The following ECT2L variants were observed in gnomAD, a reference collection of about 807,000 sequenced individuals.
The protein encoded by ECT2L is epithelial cell transforming 2 like, also known as epithelial cell-transforming sequence 2 oncogene-like.
In ECT2L, 126 loss-of-function variants were observed where a neutral mutation model predicts 122.8. That is an observed-to-expected ratio of 1.03 (90% CI 0.89 to 1.19). The LOEUF (loss-of-function observed/expected upper bound fraction) is 1.19, where lower values mean the gene tolerates loss of function less well. Ranked by LOEUF, ECT2L falls within the 50% of genes most tolerant of loss-of-function variation. The probability of loss-of-function intolerance (pLI) is 0.00; values close to 1 mark genes in which losing one functional copy is unlikely to be tolerated. For missense variants in ECT2L, 1,012 were observed against 1,064.1 expected, an observed-to-expected ratio of 0.95 and a Z score of 0.68; for synonymous variants, 385 against 381.8, an observed-to-expected ratio of 1.01 and a Z score of -0.10.
rs1170631663 is a variant in ECT2L at position 138,847,355 on chromosome 6, C to CTTTTTTTTTTTTTTTTTTTTTTTTT, written c.903+687_903+711dup. On this transcript the variant is annotated intron_variant, in intron 8 of 21. Coordinates refer to ENST00000541398, the MANE Select transcript of ECT2L (RefSeq NM_001077706.3). ...TTTGAAAAAGCATTAAAGGCCCAAA[C>CTTTTTTTTTTTTTTTTTTTTTTTTT]TTTTTTTTTTTTTTTTTTTTTTTTT... is the stretch of plus-strand genomic sequence containing the variant. 3.6e-5 allele frequency among the ~76,000 whole-genome samples: 2 copies of CTTTTTTTTTTTTTTTTTTTTTTTTT among 54,904 alleles called. 1 individual carries two copies. The highest frequency in any genetic ancestry group is 1.6e-4 in the African/African-American group (2 of 12,272). 36.0% of individuals were successfully genotyped at this position (54,904 alleles called of 152,430 possible).
intron 10 of ECT2L, among the ~76,000 whole-genome samples, chr6:138,857,527 G>T (rs79268716): frequency 0.02 from 3,077 of 152,222 alleles, 42 homozygotes; most frequent in Middle Eastern, 0.041. Flanking sequence ...GACTGTAAGT[G>T]ACTTCCATGT....
chr6:138,819,436 A>G (rs779828435), intron 4 of ECT2L, among the ~76,000 whole-genome samples: 1 of 151,866 alleles, frequency 6.6e-6, no homozygotes, highest in Non-Finnish European at 1.5e-5. Flanking sequence ...TTCTCTGTCT[A>G]CCGCTTGACA....
chr6:138,896,666 TGAGA>T (rs1779224987), intron 20 of ECT2L, among the ~76,000 whole-genome samples: 1 of 152,168 alleles, frequency 6.6e-6, no homozygotes, highest in Admixed American at 6.5e-5. Flanking sequence ...ACTCTCTTTT[TGAGA>T]GAGTTTCATT....
chr6:138,844,349 G>A (rs769222245), intron 6 of ECT2L, 63 bp from the exon 7 acceptor site: 1 of 1,575,002 alleles, frequency 6.3e-7, no homozygotes, highest in Non-Finnish European at 8.7e-7. Flanking sequence ...GCCTTTATCT[G>A]TGTGGACTTG....
In ECT2L at chr6:138,889,033, T is replaced by A; in HGVS notation, c.2414+2T>A. 6.6e-7 allele frequency: 1 copy of A among 1,524,490 alleles called. No individual in the cohort carries two copies. The highest frequency in any genetic ancestry group is 1.3e-5 in the South Asian group (1 of 77,268). The allele number at this position is 1,524,490 out of a possible 1,614,324, so 94.4% of individuals were successfully genotyped here. On this transcript the variant is annotated splice_donor_variant, in intron 20 of 21. Transcript: ENST00000541398. LOFTEE classifies it high-confidence loss of function. ...TGAAGAAATAAGTTTCTCTTTAAGG[T>A]AAACAATAGTTAACTATCCTAAGGC... is the stretch of plus-strand genomic sequence containing the variant.
intron 20 of ECT2L, among the ~76,000 whole-genome samples, chr6:138,889,785 GA>G (rs1231097640): frequency 6.6e-6 from 1 of 151,698 alleles, no homozygotes; most frequent in Non-Finnish European, 1.5e-5. Flanking sequence ...AGTAGTGTAA[GA>G]AAAAAAAGAT....
At chr6:138,870,872 C>A (rs59508813) in intron 13 of ECT2L, among the ~76,000 whole-genome samples, 1 of 151,722 alleles carries the variant, frequency 6.6e-6, no homozygotes, top group Non-Finnish European at 1.5e-5. Flanking sequence ...AGCTGGGCAT[C>A]GTGGCATGCC....
chr6:138,847,430 G>C (rs1444465508), intron 8 of ECT2L, among the ~76,000 whole-genome samples: 18 of 116,834 alleles, frequency 1.5e-4, no homozygotes, highest in Admixed American at 2.3e-4. Flanking sequence ...GAGTGCAGTG[G>C]CGCAATCTCG....
At chr6:138,855,519 G>A (rs1261117978) in intron 10 of ECT2L, among the ~76,000 whole-genome samples, 4 of 149,674 alleles carry the variant, frequency 2.7e-5, no homozygotes, top group South Asian at 2.1e-4. Flanking sequence ...AGAAAAAAAA[G>A]AAAATATGCA....
rs549245814 is a variant in ECT2L, at chr6:138,844,464, C to T, written c.648C>T (p.Ser216=). 6 of 1,614,146 alleles carry T rather than the reference C, an allele frequency of 3.7e-6. No homozygotes were observed. The highest frequency in any genetic ancestry group is 1.7e-4 in the Middle Eastern group (1 of 6,060). The change falls in exon 7 of 22, where the codon AGC becomes AGT. Residue 216 remains serine (S), a synonymous_variant. Coordinates refer to ENST00000541398, the MANE Select transcript of ECT2L (RefSeq NM_001077706.3). ...GGGTGAGTGGAACTTGCTGCTCTAG[C>T]GTGCTAAAGCCCAGATGCCAACCAC... ...PPWVSGTCCS[S]VLKPRCQPRL...
chr6:138,873,052 T>A (rs1054653612), intron 13 of ECT2L, among the ~76,000 whole-genome samples: 2 of 151,986 alleles, frequency 1.3e-5, no homozygotes, highest in Non-Finnish European at 2.9e-5. Flanking sequence ...AAATTCAAAA[T>A]GAATGAAGTC....
intron 14 of ECT2L, among the ~76,000 whole-genome samples, chr6:138,877,876 T>C (rs1442893486): frequency 6.6e-6 from 1 of 152,158 alleles, no homozygotes; most frequent in Non-Finnish European, 1.5e-5. Context: ...ATGAGTGCAC[T>C]ACTGCACTTC....
In ECT2L at chr6:138,844,520, G is replaced by T. The variant is rs774912249; in HGVS notation, c.704G>T (p.Gly235Val). 1.4e-5 allele frequency: 23 copies of T among 1,614,036 alleles called. No homozygotes were observed. Among genetic ancestry groups the T allele is most frequent in the Non-Finnish European group, 1.9e-5 (23 of 1,180,038 alleles). Reference sequence around the variant, plus strand: ...TCCCAGACTGTAAGGGAGCGAGTGGGATTACATGAAGCTTTGGAGAAACAG... The same window carrying T: ...TCCCAGACTGTAAGGGAGCGAGTGGTATTACATGAAGCTTTGGAGAAACAG... Reference protein sequence around the residue: ...RLSQTVRERVGLHEALEKQLV... With the variant: ...RLSQTVRERVVLHEALEKQLV... Residue 235 changes from glycine (G) to valine (V), a missense_variant, in exon 7 of 22, where the codon GGA becomes GTA. Physicochemically the swap from Gly to Val is moderately radical, Grantham distance 109 (BLOSUM62 -3). Coordinates refer to ENST00000541398, the MANE Select transcript of ECT2L (RefSeq NM_001077706.3).
intron 9 of ECT2L, among the ~76,000 whole-genome samples, chr6:138,851,406 A>G (rs547224668): frequency 2.9e-4 from 43 of 150,850 alleles, no homozygotes; most frequent in Non-Finnish European, 5.5e-4. Context: ...CTGGTCTGGA[A>G]CCCCTAGCCT....
chr6:138,828,801 C>T lies in ECT2L; in HGVS notation c.180-9551C>T, dbSNP rs528474415. Among the ~76,000 whole-genome samples, 62 of 152,276 alleles carry T rather than the reference C, an allele frequency of 4.1e-4. No individual in the cohort carries two copies. The South Asian group carries it at 0.013, about 31-fold the overall frequency. On this transcript the variant is annotated intron_variant, in intron 4 of 21. Coordinates refer to ENST00000541398, the MANE Select transcript of ECT2L (RefSeq NM_001077706.3). ...TTATGTCATCCTCCAAAATTGATCA[C>T]TGAGTTCTTTGTAGTATTATAAACT...
intron 1 of ECT2L, among the ~76,000 whole-genome samples, chr6:138,807,741 A>G (rs980684425): frequency 6.6e-6 from 1 of 152,098 alleles, no homozygotes; most frequent in Non-Finnish European, 1.5e-5. Flanking sequence ...CCAGCTGGGC[A>G]GTTGTTCTAC....
At chr6:138,876,589 T>C in intron 14 of ECT2L, 31 bp downstream of exon 14, 1 of 1,440,028 alleles carries the variant, frequency 6.9e-7, no homozygotes, top group Non-Finnish European at 9.6e-7. Context: ...ACTTTACCAT[T>C]GGTTTTGCTC....
At chr6:138,824,751 G>T (rs1035065196) in intron 4 of ECT2L, among the ~76,000 whole-genome samples, 1 of 152,050 alleles carries the variant, frequency 6.6e-6, no homozygotes, top group African/African-American at 2.4e-5. Context: ...GAGATGGGGA[G>T]ATTCTCGCCG....
At position 138,890,816 on chromosome 6, in the gene ECT2L, C is replaced by T. The variant is rs538627328; in HGVS notation, c.2414+1785C>T. ...GTGTAAAAAATTTATTGTTTGAAGGCAATTTTGCTGGATACAGAATTCTAG... is the reference window on the plus strand; with the variant it reads ...GTGTAAAAAATTTATTGTTTGAAGGTAATTTTGCTGGATACAGAATTCTAG... On this transcript the variant is annotated intron_variant, in intron 20 of 21. Coordinates refer to ENST00000541398, the MANE Select transcript of ECT2L (RefSeq NM_001077706.3). 2.0e-5 allele frequency among the ~76,000 whole-genome samples: 3 copies of T among 151,646 alleles called. No individual in the cohort carries two copies. The East Asian group carries it at 5.8e-4, about 29-fold the overall frequency.
Sources: allele counts gnomAD v4.1 joint callset (sites outside exome capture counted in the v4.1 genomes callset), GRCh38; gene constraint gnomAD v4.1.1; transcripts MANE v1.5; gene names NCBI Gene and HGNC (gene_info 2026-07-23, HGNC 2026-07-21).